CYLD: variants seen among roughly 807,000 people sequenced by gnomAD.
CYLD encodes the protein CYLD lysine 63 deubiquitinase, also known as ubiquitin carboxyl-terminal hydrolase CYLD.
In CYLD, 26 loss-of-function variants were observed where a neutral mutation model predicts 104.5. The ratio of observed to expected loss-of-function variants is 0.25; its 90% CI spans 0.18 to 0.35. CYLD has a LOEUF of 0.35. Among genes scored for constraint, CYLD ranks in the 10% least tolerant of loss-of-function variants. The pLI is 1.00. For synonymous variants in CYLD, 385 were observed against 399.9 expected, an observed-to-expected ratio of 0.96 and a Z score of 0.45; for missense variants, 703 against 1,136.1, an observed-to-expected ratio of 0.62 and a Z score of 5.48.
chr16:50,742,940 G>A (rs1050368721), intron 2 of CYLD, 99 bp downstream of exon 2: 8 of 396,988 alleles, frequency 2.0e-5, no homozygotes, highest in African/African-American at 1.6e-4. Context: ...AGGAGATGGT[G>A]TTGAGTTTGG....
chr16:50,742,545 C>CGGG, intron 1 of CYLD: 1 of 268,732 alleles, frequency 3.7e-6, no homozygotes. Flanking sequence ...GTCCCCCTCC[C>CGGG]GCCCCCCACC....
intron 7 of CYLD, 26 bp from the exon 8 acceptor site, chr16:50,777,799 A>C (rs772238327): frequency 3.1e-6 from 4 of 1,293,856 alleles, no homozygotes; most frequent in Non-Finnish European, 4.5e-6. Context: ...CTTTATTTTT[A>C]AATGAAACTT....
chr16:50,780,218 C>T (rs905117015), intron 9 of CYLD, among the ~76,000 whole-genome samples, 174 bp downstream of exon 9: 32 of 152,162 alleles, frequency 2.1e-4, no homozygotes, highest in African/African-American at 7.0e-4. Flanking sequence ...AAGCTTGCGA[C>T]CCACTTGTCC....
intron 4 of CYLD, among the ~76,000 whole-genome samples, chr16:50,753,616 C>A (rs1673560956): frequency 6.6e-6 from 1 of 152,220 alleles, no homozygotes; most frequent in South Asian, 2.1e-4. Flanking sequence ...TCTTTATCTC[C>A]TTTTCCTTCT....
At chr16:50,751,573 C>T (rs892283137) in intron 3 of CYLD, 31 bp from the exon 4 acceptor site, 1 of 1,606,146 alleles carries the variant, frequency 6.2e-7, no homozygotes, top group Non-Finnish European at 8.5e-7. Context: ...CTTTCTATAT[C>T]TATTTCTTTC....
At position 50,788,484 on chromosome 16, in the gene CYLD, C is replaced by G. The variant is rs371635026; in HGVS notation, c.2108+632C>G. Among the ~76,000 whole-genome samples, 36 of 152,226 alleles carry G rather than the reference C, an allele frequency of 2.4e-4. 1 individual carries two copies. The highest frequency in any genetic ancestry group is 8.4e-4 in the African/African-American group (35 of 41,554). On this transcript the variant is annotated intron_variant, in intron 14 of 18. Coordinates refer to ENST00000427738, the MANE Select transcript of CYLD (RefSeq NM_001378743.1). ...CACTTCCCTAAAAGCTAAGCATAGA[C>G]GAGCACTCTTCCTCATCTCTGTGTC...
At chr16:50,769,260 C>T (rs1968854140) in intron 5 of CYLD, among the ~76,000 whole-genome samples, 1 of 152,184 alleles carries the variant, frequency 6.6e-6, no homozygotes, top group African/African-American at 2.4e-5. Flanking sequence ...AACCCCCAAA[C>T]CTTCCAAGCT....
intron 12 of CYLD, 119 bp downstream of exon 12, chr16:50,784,570 T>C: frequency 1.8e-6 from 2 of 1,115,948 alleles, no homozygotes; most frequent in Non-Finnish European, 2.6e-6. Flanking sequence ...AAATTAGTTC[T>C]TATGGTAAAA....
chr16:50,743,311 G>T (rs1965881378), intron 2 of CYLD, among the ~76,000 whole-genome samples: 1 of 152,144 alleles, frequency 6.6e-6, no homozygotes, highest in African/African-American at 2.4e-5. Context: ...AGACTGAATG[G>T]CCTTAAGAAT....
At chr16:50,745,362 G>GTTTT (rs535675323) in intron 2 of CYLD, among the ~76,000 whole-genome samples, 904 of 78,742 alleles carry the variant, frequency 0.011, 90 homozygotes, top group African/African-American at 0.041. Context: ...TTTCCTCTTT[G>GTTTT]TTTTTTTTTT....
At position 50,796,444 on chromosome 16, in the gene CYLD, G is replaced by A. The variant is rs2151047814; in HGVS notation, c.2807G>A (p.Arg936Gln). ...LDSRRIQGCA[R>Q]RLLCDAYMCM... ...TCCAGGAGAATCCAAGGCTGTGCAC[G>A]AAGACTGCTTTGTGATGCATATATG... The change falls in exon 19 of 19, where the codon CGA becomes CAA. Residue 936 changes from arginine to glutamine, a missense_variant. This residue lies in a region of CYLD where 130 missense variants were observed against 220.2 expected (regional missense o/e 0.59). Transcript: ENST00000427738. 1 of 1,614,036 alleles carries A rather than the reference G, an allele frequency of 6.2e-7. No homozygotes were observed. Among genetic ancestry groups the A allele is most frequent in the Non-Finnish European group, 8.5e-7 (1 of 1,180,010 alleles).
chr16:50,788,488 C>T (rs1225618112), intron 14 of CYLD, among the ~76,000 whole-genome samples: 2 of 152,132 alleles, frequency 1.3e-5, no homozygotes, highest in Non-Finnish European at 2.9e-5. Flanking sequence ...CATAGACGAG[C>T]ACTCTTCCTC....
chr16:50,769,927 T>C lies in CYLD; in HGVS notation c.914-5239T>C, dbSNP rs537336196. On this transcript the variant is annotated intron_variant, in intron 5 of 18. Transcript: ENST00000427738. ...TGTAACCTTTTGAGACTGGCTCTTT[T>C]TTCACTGAGCATAATTCTCTGGAGA... Among the ~76,000 whole-genome samples the C allele has an allele frequency of 5.9e-5, 9 of 152,362 alleles. 1 individual carries two copies. The highest frequency in any genetic ancestry group is 2.2e-4 in the African/African-American group (9 of 41,590).
chr16:50,778,936 G>A (rs542114702), intron 8 of CYLD, among the ~76,000 whole-genome samples: 3 of 152,308 alleles, frequency 2.0e-5, no homozygotes, highest in African/African-American at 7.2e-5. Flanking sequence ...ATACCTGCCT[G>A]TCAGCTGTAT....
intron 13 of CYLD, 56 bp downstream of exon 13, chr16:50,787,002 A>G (rs1327111667): frequency 7.2e-7 from 1 of 1,385,988 alleles, no homozygotes; most frequent in Non-Finnish European, 1.0e-6. Flanking sequence ...TTCACATGTC[A>G]AAGTATTAGC....
intron 5 of CYLD, among the ~76,000 whole-genome samples, chr16:50,768,506 C>T (rs942974421): frequency 6.6e-6 from 1 of 152,158 alleles, no homozygotes; most frequent in Non-Finnish European, 1.5e-5. Flanking sequence ...GGAAAGAATT[C>T]TTTCTAGTCA....
In CYLD at chr16:50,799,458, C is replaced by T. The variant is rs1405732556; in HGVS notation, c.*2950C>T. 1.3e-5 allele frequency: 3 copies of T among 233,500 alleles called. No individual in the cohort carries two copies. The highest frequency in any genetic ancestry group is 2.5e-5 in the Non-Finnish European group (3 of 117,986). 14.5% of individuals were successfully genotyped at this position (233,500 alleles called of 1,614,324 possible). On this transcript the variant is annotated 3_prime_UTR_variant, in exon 19 of 19. Transcript: ENST00000427738. ...AATGTTTTATAAGACTAGGAAAACA[C>T]GTTGAAAACTAGGATAAACAGCAAC... is the stretch of plus-strand genomic sequence containing the variant.
intron 11 of CYLD, 49 bp from the exon 12 acceptor site, chr16:50,784,280 T>G: frequency 6.3e-7 from 1 of 1,594,076 alleles, no homozygotes; most frequent in Non-Finnish European, 8.6e-7. Context: ...ATCTGTTTCT[T>G]GAAAAATATG....
chr16:50,781,205 TA>T, intron 9 of CYLD, 40 bp from the exon 10 acceptor site: 1 of 1,611,572 alleles, frequency 6.2e-7, no homozygotes, highest in African/African-American at 1.3e-5. Flanking sequence ...ACTATCTCTG[TA>T]AGGCACGGTA....
Sources: gnomAD v4.1 joint callset for allele counts (sites outside exome capture counted in the v4.1 genomes callset) on GRCh38, gnomAD v4.1.1 for gene constraint, gnomAD v4.1.1 regional missense constraint, MANE v1.5 for transcripts, NCBI Gene and HGNC (gene_info 2026-07-23, HGNC 2026-07-21) for gene names.